The following SLC9C1 variants were observed in gnomAD, a reference collection of about 807,000 sequenced individuals.
The protein encoded by SLC9C1 is sodium/hydrogen exchanger 10.
SLC9C1 carries 97 observed loss-of-function variants against 140.9 expected under a neutral mutation model. The observed-to-expected ratio is 0.69, with a 90% confidence interval of 0.58 to 0.82. The LOEUF (loss-of-function observed/expected upper bound fraction) is 0.82. Among genes scored for constraint, SLC9C1 ranks in the 40% least tolerant of loss-of-function variants. SLC9C1 has a pLI of 0.00. For synonymous variants in SLC9C1, 440 were observed against 442.6 expected, an observed-to-expected ratio of 0.99 and a Z score of 0.07; for missense variants, 1,340 against 1,389.3, an observed-to-expected ratio of 0.96 and a Z score of 0.56.
intron 26 of SLC9C1, among the ~76,000 whole-genome samples, chr3:112,164,074 A>G (rs2075389335): frequency 6.6e-6 from 1 of 151,890 alleles, no homozygotes; most frequent in African/African-American, 2.4e-5. Flanking sequence ...AGTCTGTTTT[A>G]TCAGAGACTA....
chr3:112,241,992 G>T (rs1001913097), intron 11 of SLC9C1, among the ~76,000 whole-genome samples: 5 of 152,026 alleles, frequency 3.3e-5, no homozygotes, highest in Admixed American at 1.3e-4. Context: ...AATTATAAAA[G>T]TCCTAGAAGA....
At chr3:112,191,125 C>G (rs897715080) in intron 20 of SLC9C1, among the ~76,000 whole-genome samples, 1 of 152,052 alleles carries the variant, frequency 6.6e-6, no homozygotes, top group Non-Finnish European at 1.5e-5. Context: ...ATGGTTTTCT[C>G]TATATGAGAT....
chr3:112,181,696 G>T (rs1295657115), intron 21 of SLC9C1, among the ~76,000 whole-genome samples: 2 of 152,088 alleles, frequency 1.3e-5, no homozygotes, highest in Admixed American at 6.5e-5. Context: ...TCACAGGAAG[G>T]TCTTCTACTG....
rs2077944750 is a variant in SLC9C1 at position 112,202,943 on chromosome 3, T to C, written c.2173-544A>G. ...AGCTTCTGCAGAGTTCATTGATCCC[T>C]TTGTTTTTCTATCTATGTTCCACAA... On this transcript the variant is annotated intron_variant, in intron 17 of 28. Transcript: ENST00000305815. Among the ~76,000 whole-genome samples, 3 of 151,950 alleles carry C rather than the reference T, an allele frequency of 2.0e-5. No homozygotes were observed. The South Asian group carries it at 6.2e-4, about 31-fold the overall frequency.
Position 112,277,860 on chromosome 3 carries a change from T to A in SLC9C1, c.319A>T (p.Ile107Leu). The change falls in exon 5 of 29, where the codon ATA becomes TTA. Residue 107 changes from isoleucine to leucine, a missense_variant and splice_region_variant. Physicochemically the swap from Ile to Leu is conservative, Grantham distance 5. Coordinates refer to ENST00000305815, the MANE Select transcript of SLC9C1 (RefSeq NM_183061.3). ...TYMLQKLFWQ[I>L]LLISIPGFLV... The stretch of plus-strand genomic sequence containing the variant: ...AAGCCGGGAATTGAAATTAAAAGTA[T>A]CTGCAAAGAAATTTTACAATTAGAA... The A allele has an allele frequency of 6.3e-7, 1 of 1,590,638 alleles. No homozygotes were observed. Among genetic ancestry groups the A allele is most frequent in the Non-Finnish European group, 8.5e-7 (1 of 1,172,336 alleles).
chr3:112,215,726 A>G (rs888375825), intron 15 of SLC9C1, among the ~76,000 whole-genome samples: 1 of 152,234 alleles, frequency 6.6e-6, no homozygotes, highest in Admixed American at 6.5e-5. Context: ...AAATGGAAGA[A>G]CATTCCATGC....
intron 27 of SLC9C1, among the ~76,000 whole-genome samples, chr3:112,153,825 C>T (rs938221908): frequency 2.0e-5 from 3 of 152,096 alleles, no homozygotes; most frequent in African/African-American, 7.2e-5. Flanking sequence ...ATTCTTGGCC[C>T]TTATGCTATT....
chr3:112,177,919 GAT>G, intron 23 of SLC9C1, among the ~76,000 whole-genome samples: 1 of 150,582 alleles, frequency 6.6e-6, no homozygotes, highest in East Asian at 1.9e-4. Flanking sequence ...ATATTTTAAT[GAT>G]AGAGATATTT....
At chr3:112,216,905 C>G (rs966520082) in intron 15 of SLC9C1, among the ~76,000 whole-genome samples, 2 of 152,132 alleles carry the variant, frequency 1.3e-5, no homozygotes, top group African/African-American at 4.8e-5. Flanking sequence ...CACATGCACA[C>G]ATATGTTTAT....
Position 112,262,934 on chromosome 3 carries a change from T to C in SLC9C1, c.1187A>G (p.Glu396Gly). 1 of 1,572,828 alleles carries C rather than the reference T, an allele frequency of 6.4e-7. No individual in the cohort carries two copies. The highest frequency in any genetic ancestry group is 8.6e-7 in the Non-Finnish European group (1 of 1,166,524). Residue 396 changes from glutamate to glycine, a missense_variant, in exon 10 of 29, where the codon GAA becomes GGA. Transcript: ENST00000305815. ...TACAGCTTTCTTTACTTGAGATTTTTCTTTGTCAGATCCAAAATAAAGATC... is the reference window on the plus strand; with the variant it reads ...TACAGCTTTCTTTACTTGAGATTTTCCTTTGTCAGATCCAAAATAAAGATC... ...YSDLYFGSDK[E>G]KSQILFHGVL...
intron 10 of SLC9C1, among the ~76,000 whole-genome samples, chr3:112,247,665 T>G (rs1471605601): frequency 6.6e-6 from 1 of 152,228 alleles, no homozygotes; most frequent in Non-Finnish European, 1.5e-5. Context: ...GACAAGGTTG[T>G]GCTCAAATTC....
chr3:112,176,999 CTCTCTCTTT>C (rs2077349950), intron 23 of SLC9C1, among the ~76,000 whole-genome samples: 1 of 140,190 alleles, frequency 7.1e-6, no homozygotes. Flanking sequence ...CTCTCTCTCT[CTCTCTCTTT>C]TTTTTTTTTT....
At chr3:112,273,256 T>A (rs2080124222) in intron 6 of SLC9C1, among the ~76,000 whole-genome samples, 2 of 152,036 alleles carry the variant, frequency 1.3e-5, no homozygotes, top group Admixed American at 6.6e-5. Context: ...GAGCGCTCTC[T>A]GAGTGCCATA....
intron 20 of SLC9C1, among the ~76,000 whole-genome samples, chr3:112,188,154 A>G (rs1315960823): frequency 6.6e-6 from 1 of 152,200 alleles, no homozygotes; most frequent in Non-Finnish European, 1.5e-5. Flanking sequence ...GTTTGAACAC[A>G]TATCTTTGCT....
At chr3:112,183,164 C>A (rs554208362) in intron 20 of SLC9C1, among the ~76,000 whole-genome samples, 25 of 152,024 alleles carry the variant, frequency 1.6e-4, no homozygotes, top group African/African-American at 4.8e-4. Flanking sequence ...TAGGTACTGC[C>A]AAATATTTTT....
intron 23 of SLC9C1, among the ~76,000 whole-genome samples, chr3:112,171,035 G>A (rs1450116338): frequency 1.3e-5 from 2 of 152,098 alleles, no homozygotes; most frequent in Admixed American, 6.5e-5. Flanking sequence ...CCAACATGGC[G>A]AAATGCCGTC....
intron 1 of SLC9C1, among the ~76,000 whole-genome samples, chr3:112,291,143 G>T (rs1341106131): frequency 6.6e-6 from 1 of 152,162 alleles, no homozygotes; most frequent in Admixed American, 6.5e-5. Context: ...AGTGTCACTG[G>T]TCTGTGTACT....
At chr3:112,214,077 T>G (rs1262613688) in intron 15 of SLC9C1, among the ~76,000 whole-genome samples, 1 of 152,304 alleles carries the variant, frequency 6.6e-6, no homozygotes, top group South Asian at 2.1e-4. Context: ...CTCAACTACA[T>G]GGAAACCGAA....
intron 28 of SLC9C1, among the ~76,000 whole-genome samples, chr3:112,143,633 G>C (rs1321597667): frequency 6.6e-6 from 1 of 152,118 alleles, no homozygotes; most frequent in Non-Finnish European, 1.5e-5. Flanking sequence ...CTGGAAATTA[G>C]GCCTTTGTTG....
Sources: allele counts gnomAD v4.1 joint callset (sites outside exome capture counted in the v4.1 genomes callset), GRCh38; gene constraint gnomAD v4.1.1; transcripts MANE v1.5; gene names NCBI Gene and HGNC (gene_info 2026-07-23, HGNC 2026-07-21).